EEPD1: variants seen among roughly 807,000 people sequenced by gnomAD.
The protein encoded by EEPD1 is endonuclease/exonuclease/phosphatase family domain-containing protein 1.
A neutral mutation model predicts 46.3 loss-of-function variants in EEPD1; 17 were observed. That is an observed-to-expected ratio of 0.37 (90% CI 0.25 to 0.55). EEPD1 has a LOEUF of 0.55. Among genes scored for constraint, EEPD1 ranks in the 20% least tolerant of loss-of-function variants. The probability of loss-of-function intolerance (pLI) is 0.83; values close to 1 mark genes in which losing one functional copy is unlikely to be tolerated. For missense variants in EEPD1, 673 were observed against 745.6 expected (o/e 0.90, Z 1.13); for synonymous variants, 313 against 315.6 (o/e 0.99, Z 0.09).
rs187691058 is a variant in EEPD1 at position 36,155,200 on chromosome 7, C to G, written c.876C>G (p.Asn292Lys). 8 of 1,511,320 alleles carry G rather than the reference C, an allele frequency of 5.3e-6. No individual in the cohort carries two copies. Among genetic ancestry groups the G allele is most frequent in the African/African-American group, 1.4e-5 (1 of 71,682 alleles). 93.6% of individuals were successfully genotyped at this position (1,511,320 alleles called of 1,614,324 possible). ...TGGTGTGCATGACACTCCTGGAAAA[C>G]AGGTGAGGACAGGAACCACCATGGG... The part of the protein sequence containing the change: ...REVVCMTLLE[N>K]SIKLLAVQEL... The change falls in exon 2 of 8, where the codon AAC becomes AAG. Residue 292 changes from asparagine to lysine, a missense_variant and splice_region_variant. Coordinates refer to ENST00000242108, the MANE Select transcript of EEPD1 (RefSeq NM_030636.3).
rs73690310 is a variant in EEPD1 at position 36,224,740 on chromosome 7, T to A, written c.879-14245T>A. On this transcript the variant is annotated intron_variant, in intron 2 of 7. Transcript: ENST00000242108. ...GAACTAAAATCCAAATTAGCAAGAG[T>A]ATAGAAAAGTATTCATGTATAGTAA... is the stretch of plus-strand genomic sequence containing the variant. 6.8e-3 allele frequency among the ~76,000 whole-genome samples: 1,027 copies of A among 151,988 alleles called. 15 individuals are homozygous for A. Among genetic ancestry groups the A allele is most frequent in the African/African-American group, 0.024 (974 of 41,426 alleles).
intron 3 of EEPD1, among the ~76,000 whole-genome samples, chr7:36,239,933 G>A (rs1786529706): frequency 6.6e-6 from 1 of 152,208 alleles, no homozygotes; most frequent in Admixed American, 6.5e-5. Context: ...TTTGTTTTTG[G>A]TTAGAGAGAC....
At chr7:36,279,753 A>G (rs1338107237) in intron 3 of EEPD1, among the ~76,000 whole-genome samples, 1 of 152,242 alleles carries the variant, frequency 6.6e-6, no homozygotes, top group Non-Finnish European at 1.5e-5. Context: ...GGCCCACTTC[A>G]GAGCTGCTGA....
chr7:36,275,254 C>A (rs148730433), intron 3 of EEPD1, among the ~76,000 whole-genome samples: 26 of 152,240 alleles, frequency 1.7e-4, no homozygotes, highest in African/African-American at 3.4e-4. Flanking sequence ...TTTAAAATGC[C>A]TACCAGTACT....
chr7:36,271,049 C>T (rs1787094477), intron 3 of EEPD1, among the ~76,000 whole-genome samples: 1 of 151,960 alleles, frequency 6.6e-6, no homozygotes, highest in South Asian at 2.1e-4. Flanking sequence ...TGCAGTGGCG[C>T]AATCTCAGCT....
At chr7:36,283,287 A>C (rs1256239856) in intron 4 of EEPD1, among the ~76,000 whole-genome samples, 9 of 152,186 alleles carry the variant, frequency 5.9e-5, no homozygotes, top group Admixed American at 5.9e-4. Context: ...CAGCGGTGGA[A>C]GGAGCAGCAC....
At chr7:36,291,067 T>C (rs1182045387) in intron 6 of EEPD1, among the ~76,000 whole-genome samples, 5 of 152,256 alleles carry the variant, frequency 3.3e-5, no homozygotes, top group Admixed American at 2.0e-4. Context: ...CTGGCTCTAT[T>C]GACCCTTGAC....
intron 2 of EEPD1, among the ~76,000 whole-genome samples, chr7:36,156,529 C>T (rs369046623): frequency 1.6e-4 from 24 of 152,102 alleles, no homozygotes; most frequent in African/African-American, 5.3e-4. Context: ...GCAGCATGGG[C>T]GTGTGAATGG....
rs11411037 is a variant in EEPD1 at position 36,163,883 on chromosome 7, GAAAAAAAA to G, written c.878+8692_878+8699del. Among the ~76,000 whole-genome samples, 3 of 111,082 alleles carry G rather than the reference GAAAAAAAA, an allele frequency of 2.7e-5. No homozygotes were observed. In the Admixed American group the frequency reaches 3.0e-4, roughly 11 times the overall value. 72.9% of individuals were successfully genotyped at this position (111,082 alleles called of 152,430 possible). ...ACAGAGCAAGACTCCATCTCAGGAAGAAAAAAAAAAAAAAAAAAGCTATTCTGTTCAGT... is the reference window on the plus strand; with the variant it reads ...ACAGAGCAAGACTCCATCTCAGGAAGAAAAAAAAAAGCTATTCTGTTCAGT... On this transcript the variant is annotated intron_variant, in intron 2 of 7. Transcript: ENST00000242108.
At position 36,220,868 on chromosome 7, in the gene EEPD1, C is replaced by T. The variant is rs376269803; in HGVS notation, c.879-18117C>T. 2.6e-5 allele frequency among the ~76,000 whole-genome samples: 4 copies of T among 152,276 alleles called. No homozygotes were observed. In the East Asian group the frequency reaches 7.7e-4, roughly 29 times the overall value. On this transcript the variant is annotated intron_variant, in intron 2 of 7. Coordinates refer to ENST00000242108, the MANE Select transcript of EEPD1 (RefSeq NM_030636.3). ...AGGCTAGAATGCAGTGGTGCAATCTCGGCTCACTGCAACCTCCACCTCCTG... is the reference window on the plus strand; with the variant it reads ...AGGCTAGAATGCAGTGGTGCAATCTTGGCTCACTGCAACCTCCACCTCCTG...
At chr7:36,269,103 T>C (rs1263453488) in intron 3 of EEPD1, among the ~76,000 whole-genome samples, 2 of 152,248 alleles carry the variant, frequency 1.3e-5, no homozygotes, top group Non-Finnish European at 2.9e-5. Context: ...CAGTAGACAT[T>C]CCCGCCAAGT....
intron 2 of EEPD1, among the ~76,000 whole-genome samples, chr7:36,180,238 G>A (rs1464822530): frequency 2.0e-5 from 3 of 152,246 alleles, no homozygotes; most frequent in Admixed American, 1.3e-4. Flanking sequence ...CCTCCTGTGC[G>A]TGGGCATGAA....
intron 3 of EEPD1, among the ~76,000 whole-genome samples, chr7:36,252,978 C>A (rs1027775455): frequency 6.0e-5 from 9 of 151,192 alleles, no homozygotes; most frequent in Admixed American, 4.6e-4. Flanking sequence ...CTGCTCTCAT[C>A]TTTATGTTTC....
At chr7:36,219,761 AAGAGAGAG>A in intron 2 of EEPD1, among the ~76,000 whole-genome samples, 1 of 124,486 alleles carries the variant, frequency 8.0e-6, no homozygotes, top group South Asian at 2.7e-4. Flanking sequence ...CATGCATTTA[AAGAGAGAG>A]AGAGAAAGAG....
chr7:36,170,793 G>A lies in EEPD1; in HGVS notation c.878+15591G>A, dbSNP rs147914858. On this transcript the variant is annotated intron_variant, in intron 2 of 7. Transcript: ENST00000242108. ...CCATAGATTACCTGTTCATCCCCCC[G>A]ACCACAATGGAGATCCAGTCCAATG... Among the ~76,000 whole-genome samples, 32 of 152,164 alleles carry A rather than the reference G, an allele frequency of 2.1e-4. 1 individual carries two copies. Among genetic ancestry groups the A allele is most frequent in the African/African-American group, 6.7e-4 (28 of 41,518 alleles).
Position 36,299,141 on chromosome 7 carries a change from G to A in EEPD1, c.1645G>A (p.Ala549Thr), listed in dbSNP as rs746320616. ...TGAAAAGGACTGGAGCAAGAAGGATGCCCCTCGGAACGGCAGCGGGGTGGC... is the reference window on the plus strand; with the variant it reads ...TGAAAAGGACTGGAGCAAGAAGGATACCCCTCGGAACGGCAGCGGGGTGGC... ...YTEKDWSKKD[A>T]PRNGSGVALE... is the part of the protein sequence containing the mutation. The change falls in exon 8 of 8, where the codon GCC (alanine) becomes ACC (threonine). Residue 549 changes from alanine to threonine, a missense_variant. Transcript: ENST00000242108. 7.4e-6 allele frequency: 12 copies of A among 1,611,434 alleles called. No homozygotes were observed. The African/African-American group carries it at 8.0e-5, about 11-fold the overall frequency.
At chr7:36,239,644 A>G (rs1234466670) in intron 3 of EEPD1, among the ~76,000 whole-genome samples, 5 of 152,142 alleles carry the variant, frequency 3.3e-5, no homozygotes, top group African/African-American at 1.2e-4. Context: ...AGAGATCCCC[A>G]GTGTGTCTCG....
At chr7:36,182,404 A>G (rs992926815) in intron 2 of EEPD1, among the ~76,000 whole-genome samples, 3 of 152,242 alleles carry the variant, frequency 2.0e-5, no homozygotes, top group Admixed American at 6.5e-5. Context: ...GAGGGCTGGG[A>G]CAGTGTGGGA....
intron 3 of EEPD1, among the ~76,000 whole-genome samples, chr7:36,265,328 G>C (rs1786997157): frequency 6.6e-6 from 1 of 151,560 alleles, no homozygotes; most frequent in African/African-American, 2.4e-5. Context: ...GACAATTCCT[G>C]AACAACTCTG....
Sources: gnomAD v4.1 joint callset for allele counts (sites outside exome capture counted in the v4.1 genomes callset) on GRCh38, gnomAD v4.1.1 for gene constraint, MANE v1.5 for transcripts, NCBI Gene and HGNC (gene_info 2026-07-23, HGNC 2026-07-21) for gene names.